Variants in TPST1 observed in about 807,000 individuals in gnomAD.
TPST1 encodes protein-tyrosine sulfotransferase 1.
Under a neutral mutation model 34.8 loss-of-function variants are expected in TPST1, and 20 were observed. That is an observed-to-expected ratio of 0.57 (90% confidence interval 0.40 to 0.84). TPST1 has a LOEUF of 0.84. Among genes scored for constraint, TPST1 ranks in the 40% least tolerant of loss-of-function variants. TPST1 has a pLI of 0.00. For missense variants in TPST1, 353 were observed against 455.5 expected (o/e 0.78, Z 2.05); for synonymous variants, 152 against 159.4 (o/e 0.95, Z 0.35).
At chr7:66,317,087 A>G (rs1791647988) in intron 3 of TPST1, among the ~76,000 whole-genome samples, 1 of 152,264 alleles carries the variant, frequency 6.6e-6, no homozygotes, top group Non-Finnish European at 1.5e-5. Context: ...GTTAACAAAA[A>G]AAGTCTGGCA....
chr7:66,243,941 A>AT lies in TPST1; in HGVS notation c.845+2692dup, dbSNP rs55829208. ...TATTTAAACATTTTTATTCTGGGAA[A>AT]TTTTTTTTTTTTTTTTTTTTTCTTC... On this transcript the variant is annotated intron_variant, in intron 2 of 5. Coordinates refer to ENST00000304842, the MANE Select transcript of TPST1 (RefSeq NM_003596.4). Among the ~76,000 whole-genome samples, 145 of 116,208 alleles carry AT rather than the reference A, an allele frequency of 1.2e-3. 1 individual carries two copies. The highest frequency in any genetic ancestry group is 2.3e-3 in the South Asian group (9 of 3,852). 76.2% of individuals were successfully genotyped at this position (116,208 alleles called of 152,430 possible).
intron 3 of TPST1, among the ~76,000 whole-genome samples, chr7:66,311,562 C>T (rs985608990): frequency 6.6e-6 from 1 of 152,198 alleles, no homozygotes; most frequent in Non-Finnish European, 1.5e-5. Context: ...TCTTCTGATG[C>T]ATCACTTTAA....
chr7:66,333,763 A>T (rs868098149), intron 3 of TPST1, among the ~76,000 whole-genome samples: 1 of 152,158 alleles, frequency 6.6e-6, no homozygotes, highest in Non-Finnish European at 1.5e-5. Context: ...TCCAGCCACA[A>T]GTCCCCTGGA....
At chr7:66,286,287 C>T (rs1296823937) in intron 2 of TPST1, among the ~76,000 whole-genome samples, 1 of 152,004 alleles carries the variant, frequency 6.6e-6, no homozygotes, top group African/African-American at 2.4e-5. Context: ...TTCAGCTAAC[C>T]CTTTTCCCAA....
chr7:66,352,380 C>T (rs1584262360), intron 3 of TPST1, 125 bp from the exon 4 acceptor site: 1 of 1,502,138 alleles, frequency 6.7e-7, no homozygotes, highest in Non-Finnish European at 8.8e-7. Flanking sequence ...TGACAGGCTT[C>T]TTTCTCATTC....
intron 3 of TPST1, among the ~76,000 whole-genome samples, chr7:66,292,953 TC>T (rs1364453351): frequency 6.6e-6 from 1 of 152,160 alleles, no homozygotes; most frequent in Non-Finnish European, 1.5e-5. Context: ...ATGCCTGTAA[TC>T]CCAGCACTTT....
chr7:66,262,940 A>T (rs1349389793), intron 2 of TPST1, among the ~76,000 whole-genome samples: 2 of 152,044 alleles, frequency 1.3e-5, no homozygotes, highest in Non-Finnish European at 2.9e-5. Context: ...TCTGCTAAAA[A>T]TACAAAAAAA....
intron 1 of TPST1, among the ~76,000 whole-genome samples, chr7:66,229,565 G>A (rs913118748): frequency 5.3e-5 from 8 of 152,182 alleles, no homozygotes; most frequent in Admixed American, 1.3e-4. Context: ...TCCAGATTTT[G>A]GTGATTATGA....
intron 2 of TPST1, among the ~76,000 whole-genome samples, chr7:66,278,100 CAAAAAA>C (rs35654351): frequency 2.0e-4 from 10 of 50,248 alleles, no homozygotes; most frequent in African/African-American, 1.5e-4. Flanking sequence ...GACTCCATCT[CAAAAAA>C]AAAAAAAAAA....
At chr7:66,250,981 C>G (rs887331463) in intron 2 of TPST1, among the ~76,000 whole-genome samples, 2 of 152,182 alleles carry the variant, frequency 1.3e-5, no homozygotes, top group Admixed American at 1.3e-4. Context: ...TAGATTTCAT[C>G]ATGCTACTGA....
chr7:66,220,860 C>T (rs575719656), intron 1 of TPST1, among the ~76,000 whole-genome samples: 63 of 152,224 alleles, frequency 4.1e-4, no homozygotes, highest in Admixed American at 6.5e-4. Flanking sequence ...TGGCTGGGAG[C>T]GGTGGCTAAC....
intron 3 of TPST1, among the ~76,000 whole-genome samples, chr7:66,297,079 C>A (rs1380677206): frequency 6.6e-6 from 1 of 152,138 alleles, no homozygotes; most frequent in Non-Finnish European, 1.5e-5. Flanking sequence ...AGATTAAGGA[C>A]TCCTATTAGC....
At chr7:66,308,985 G>C (rs528084029) in intron 3 of TPST1, among the ~76,000 whole-genome samples, 1 of 152,286 alleles carries the variant, frequency 6.6e-6, no homozygotes, top group East Asian at 1.9e-4. Context: ...TGCAACCTCT[G>C]CCTTCCGGGT....
intron 5 of TPST1, among the ~76,000 whole-genome samples, chr7:66,358,428 A>G (rs1308364131): frequency 6.6e-6 from 1 of 151,696 alleles, no homozygotes; most frequent in African/African-American, 2.4e-5. Context: ...ATTTGCATAT[A>G]TATAAGATGA....
intron 2 of TPST1, among the ~76,000 whole-genome samples, chr7:66,282,496 A>C (rs1369319580): frequency 1.3e-5 from 2 of 152,218 alleles, no homozygotes; most frequent in African/African-American, 4.8e-5. Context: ...TGCTTTGAAA[A>C]TGTTTTGGAA....
At chr7:66,304,459 C>G (rs2116066527) in intron 3 of TPST1, among the ~76,000 whole-genome samples, 1 of 152,332 alleles carries the variant, frequency 6.6e-6, no homozygotes, top group African/African-American at 2.4e-5. Flanking sequence ...ACAGAAGCCT[C>G]TGACCCAGAA....
chr7:66,221,647 G>A (rs1171755845), intron 1 of TPST1: 1 of 152,232 alleles, frequency 6.6e-6, no homozygotes, highest in East Asian at 1.9e-4. Context: ...AGCAGGGTGA[G>A]TGTAGGAGTG....
chr7:66,240,048 A>AT (rs923582186), intron 1 of TPST1, among the ~76,000 whole-genome samples: 2 of 150,866 alleles, frequency 1.3e-5, no homozygotes, highest in African/African-American at 4.9e-5. Context: ...TGCCCAGCTA[A>AT]TTTTTTTTGT....
intron 2 of TPST1, among the ~76,000 whole-genome samples, chr7:66,279,453 G>T (rs1584202738): frequency 1.3e-5 from 2 of 152,120 alleles, no homozygotes; most frequent in African/African-American, 4.8e-5. Flanking sequence ...TCCAGTAAGG[G>T]GGTTACTGGG....
Sources: gnomAD v4.1 joint callset for allele counts (sites outside exome capture counted in the v4.1 genomes callset) on GRCh38, gnomAD v4.1.1 for gene constraint, MANE v1.5 for transcripts, NCBI Gene and HGNC (gene_info 2026-07-23, HGNC 2026-07-21) for gene names.